GRIN2B: variants seen among roughly 807,000 people sequenced by gnomAD.
The protein encoded by GRIN2B is glutamate receptor ionotropic, NMDA 2B.
GRIN2B carries 5 observed loss-of-function variants against 114.5 expected under a neutral mutation model. That is an observed-to-expected ratio of 0.04 (90% CI 0.02 to 0.09). GRIN2B has a LOEUF of 0.09. Ranked by LOEUF, GRIN2B falls within the 10% of genes least tolerant of loss-of-function variation. GRIN2B has a pLI of 1.00. For missense variants in GRIN2B, 1,108 were observed against 1,943.5 expected, an observed-to-expected ratio of 0.57 and a Z score of 8.08; for synonymous variants, 787 against 745.1, an observed-to-expected ratio of 1.06 and a Z score of -0.92.
At chr12:13,927,691 C>A (rs1866942172) in intron 2 of GRIN2B, among the ~76,000 whole-genome samples, 1 of 151,962 alleles carries the variant, frequency 6.6e-6, no homozygotes, top group Non-Finnish European at 1.5e-5. Context: ...CAGTGGCTCA[C>A]ACCTGTAATC....
At chr12:13,783,942 G>C (rs976907374) in intron 3 of GRIN2B, among the ~76,000 whole-genome samples, 2 of 152,110 alleles carry the variant, frequency 1.3e-5, no homozygotes, top group Admixed American at 1.3e-4. Context: ...AACATATCCC[G>C]GCCGGGCGCG....
At chr12:13,945,997 C>A (rs1243654949) in intron 2 of GRIN2B, among the ~76,000 whole-genome samples, 1 of 152,100 alleles carries the variant, frequency 6.6e-6, no homozygotes, top group African/African-American at 2.4e-5. Context: ...AGTAGCAGCT[C>A]TGTGGGAAAT....
At chr12:13,707,103 G>A (rs574631314) in intron 4 of GRIN2B, among the ~76,000 whole-genome samples, 7 of 152,064 alleles carry the variant, frequency 4.6e-5, no homozygotes, top group Non-Finnish European at 7.4e-5. Flanking sequence ...ACACAAGATC[G>A]TAATTAAAGT....
At chr12:13,608,891 C>G in intron 9 of GRIN2B, 59 bp from the exon 10 acceptor site, 2 of 1,218,520 alleles carry the variant, frequency 1.6e-6, no homozygotes, top group Non-Finnish European at 2.4e-6. Context: ...TCTGTTGAAA[C>G]CTACAAATAC....
rs1171194107 is a variant in GRIN2B at position 13,564,652 on chromosome 12, T to C, written c.2599-13A>G. On this transcript the variant is annotated splice_polypyrimidine_tract_variant and intron_variant, in intron 13 of 13. Transcript: ENST00000609686. This position sits in a 1 kb window ranked among gnomAD's most constrained non-coding sequence, Gnocchi z 4.8. ...AGCTGTAGATACCCTGAAGCAAGAA[T>C]GGAGGGACAGGTTAGATCTCCAGAG... 4 of 1,612,474 alleles carry C rather than the reference T, an allele frequency of 2.5e-6. No individual in the cohort carries two copies. The highest frequency in any genetic ancestry group is 1.1e-5 in the South Asian group (1 of 91,062).
At chr12:13,917,863 C>T (rs1866759530) in intron 2 of GRIN2B, among the ~76,000 whole-genome samples, 1 of 151,998 alleles carries the variant, frequency 6.6e-6, no homozygotes, top group Non-Finnish European at 1.5e-5. Flanking sequence ...ATACTATATG[C>T]TAGAAAAATA....
intron 4 of GRIN2B, among the ~76,000 whole-genome samples, chr12:13,730,725 A>G (rs1325585698): frequency 6.6e-6 from 1 of 152,092 alleles, no homozygotes; most frequent in Non-Finnish European, 1.5e-5. Context: ...TTTCTTCCTT[A>G]TGCTGTTTAT....
At chr12:13,931,203 C>T (rs1205480052) in intron 2 of GRIN2B, among the ~76,000 whole-genome samples, 1 of 152,116 alleles carries the variant, frequency 6.6e-6, no homozygotes, top group Non-Finnish European at 1.5e-5. Context: ...ACTTGCAGAA[C>T]ATCATTTACT....
At chr12:13,696,781 T>C (rs1337786199) in intron 4 of GRIN2B, among the ~76,000 whole-genome samples, 1 of 152,142 alleles carries the variant, frequency 6.6e-6, no homozygotes, top group Non-Finnish European at 1.5e-5. Flanking sequence ...GAGCTCTTCA[T>C]TATCAGTACT....
At chr12:13,912,502 A>G (rs1866641847) in intron 2 of GRIN2B, among the ~76,000 whole-genome samples, 1 of 152,172 alleles carries the variant, frequency 6.6e-6, no homozygotes, top group South Asian at 2.1e-4. Context: ...TTCAGGGAGT[A>G]TGGCCGGTCT....
intron 2 of GRIN2B, among the ~76,000 whole-genome samples, chr12:13,951,270 C>T (rs1449034937): frequency 6.6e-6 from 1 of 152,076 alleles, no homozygotes; most frequent in African/African-American, 2.4e-5. Context: ...AGGGAACCTC[C>T]TGTATGCAGA....
rs1246452107 is a variant in GRIN2B at position 13,981,525 on chromosome 12, T to C, written c.-631A>G. The C allele has an allele frequency of 6.6e-6, 1 of 151,382 alleles. No homozygotes were observed. Among genetic ancestry groups the C allele is most frequent in the East Asian group, 2.0e-4 (1 of 5,070 alleles). 9.4% of individuals were successfully genotyped at this position (151,382 alleles called of 1,614,324 possible). On this transcript the variant is annotated 5_prime_UTR_variant, in exon 1 of 14. Coordinates refer to ENST00000609686, the MANE Select transcript of GRIN2B (RefSeq NM_000834.5). ...CGCCAGCACTACTGGATGGTGGTGA[T>C]CAAGAATCACCCTTGACGAGCACTC...
chr12:13,564,124 C>G lies in GRIN2B; in HGVS notation c.3114G>C (p.Leu1038=), dbSNP rs753715256. The G allele has an allele frequency of 9.9e-6, 16 of 1,614,156 alleles. No homozygotes were observed. The highest frequency in any genetic ancestry group is 1.7e-5 in the Admixed American group (1 of 60,030). ...CGCTCTTGAAGGAGAATTTGCCGTACAGGTCACTGAGCTGGCTGTGCTTGG... is the reference window on the plus strand; with the variant it reads ...CGCTCTTGAAGGAGAATTTGCCGTAGAGGTCACTGAGCTGGCTGTGCTTGG... ...PSSKHSQLSD[L]YGKFSFKSDR... Residue 1038 remains leucine (L), a synonymous_variant, in exon 14 of 14, where the codon CTG becomes CTC. Coordinates refer to ENST00000609686, the MANE Select transcript of GRIN2B (RefSeq NM_000834.5). This position sits in a 1 kb window ranked among gnomAD's most constrained non-coding sequence, Gnocchi z 4.8.
intron 2 of GRIN2B, among the ~76,000 whole-genome samples, chr12:13,912,963 C>G (rs754296924): frequency 6.6e-6 from 1 of 152,120 alleles, no homozygotes; most frequent in Admixed American, 6.6e-5. Context: ...AGTCCCATAC[C>G]TCAGTGGGTT....
intron 4 of GRIN2B, among the ~76,000 whole-genome samples, chr12:13,713,924 C>A (rs902161453): frequency 1.3e-5 from 2 of 151,706 alleles, no homozygotes; most frequent in African/African-American, 4.8e-5. Flanking sequence ...TTTCTTACTC[C>A]TAAGGACTTT....
intron 2 of GRIN2B, among the ~76,000 whole-genome samples, chr12:13,964,035 G>A (rs183315793): frequency 6.6e-6 from 1 of 152,160 alleles, no homozygotes; most frequent in African/African-American, 2.4e-5. Context: ...TCTGGCTGTG[G>A]CTAGAATTTG....
chr12:13,791,275 C>G (rs918060720), intron 3 of GRIN2B, among the ~76,000 whole-genome samples: 1 of 151,836 alleles, frequency 6.6e-6, no homozygotes, highest in Non-Finnish European at 1.5e-5. Flanking sequence ...CATGGTGAAA[C>G]CCCGTCTCTA....
chr12:13,931,815 G>A (rs778227372), intron 2 of GRIN2B, among the ~76,000 whole-genome samples: 5 of 151,862 alleles, frequency 3.3e-5, no homozygotes, highest in Non-Finnish European at 4.4e-5. Context: ...TGCAACCTCC[G>A]CAAGTTAAGT....
chr12:13,693,550 C>T (rs1950232515), intron 4 of GRIN2B, among the ~76,000 whole-genome samples: 1 of 151,840 alleles, frequency 6.6e-6, no homozygotes, highest in Non-Finnish European at 1.5e-5. Flanking sequence ...GGCTGCTTCT[C>T]ACAGGTTTAC....
Sources: gnomAD v4.1 joint callset for allele counts (sites outside exome capture counted in the v4.1 genomes callset) on GRCh38, gnomAD v4.1.1 for gene constraint, Gnocchi (gnomAD v3.1) non-coding constraint, MANE v1.5 for transcripts, NCBI Gene and HGNC (gene_info 2026-07-23, HGNC 2026-07-21) for gene names.